The following ATP8A2 variants were observed in gnomAD, a reference collection of about 807,000 sequenced individuals.
ATP8A2 encodes phospholipid-transporting ATPase IB.
A neutral mutation model predicts 165.6 loss-of-function variants in ATP8A2; 100 were observed. That is an observed-to-expected ratio of 0.60 (90% CI 0.51 to 0.71). The LOEUF is 0.71. Among genes scored for constraint, ATP8A2 ranks in the 30% least tolerant of loss-of-function variants. The pLI, the probability that ATP8A2 is intolerant of heterozygous loss-of-function variation, is 0.00. For missense variants in ATP8A2, 1,227 were observed against 1,479.5 expected (o/e 0.83, Z 2.80); for synonymous variants, 543 against 548.8 (o/e 0.99, Z 0.15).
chr13:25,808,738 A>G (rs1328000061), intron 27 of ATP8A2, among the ~76,000 whole-genome samples: 3 of 151,982 alleles, frequency 2.0e-5, no homozygotes, highest in Non-Finnish European at 2.9e-5. Flanking sequence ...CCTGGCCCCC[A>G]CAAAGACTTT....
chr13:25,596,816 A>G (rs1388485712), intron 24 of ATP8A2, among the ~76,000 whole-genome samples: 2 of 152,152 alleles, frequency 1.3e-5, no homozygotes, highest in African/African-American at 4.8e-5. Context: ...GAGGGAAGAT[A>G]TATGTTTAGC....
chr13:25,804,984 A>T (rs1255843536), intron 27 of ATP8A2, among the ~76,000 whole-genome samples: 1 of 152,202 alleles, frequency 6.6e-6, no homozygotes, highest in African/African-American at 2.4e-5. Context: ...AAAATGTAAC[A>T]GTTATCCAAC....
At chr13:25,377,420 G>A (rs1040346305) in intron 1 of ATP8A2, among the ~76,000 whole-genome samples, 3 of 152,206 alleles carry the variant, frequency 2.0e-5, no homozygotes, top group South Asian at 2.1e-4. Flanking sequence ...CAGGACAGGA[G>A]AGAGCCCTTC....
intron 25 of ATP8A2, 83 bp from the exon 26 acceptor site, chr13:25,768,963 C>A: frequency 2.3e-6 from 3 of 1,327,068 alleles, no homozygotes; most frequent in Non-Finnish European, 3.2e-6. Context: ...AGTAACTGTC[C>A]TTTTAATGCA....
At chr13:25,503,759 C>T (rs2036933134) in intron 2 of ATP8A2, among the ~76,000 whole-genome samples, 1 of 152,090 alleles carries the variant, frequency 6.6e-6, no homozygotes, top group Admixed American at 6.5e-5. Flanking sequence ...AAAAACAAGC[C>T]ACAGGATAAA....
At position 25,510,224 on chromosome 13, in the gene ATP8A2, G is replaced by C. The variant is rs879664258; in HGVS notation, c.222-19775G>C. Among the ~76,000 whole-genome samples the C allele has an allele frequency of 5.6e-3, 745 of 133,096 alleles. 6 individuals carry two copies. The highest frequency in any genetic ancestry group is 9.6e-3 in the Non-Finnish European group (594 of 61,794). 87.3% of individuals were successfully genotyped at this position (133,096 alleles called of 152,430 possible). A position where few individuals can be genotyped will look rare whatever the true frequency, so the allele number is the denominator to read the frequency against. ...ACACACACACACACACACACACAGA[G>C]AATGTTGAAATAAATGGATGGATTA... On this transcript the variant is annotated intron_variant, in intron 2 of 36. Coordinates refer to ENST00000381655, the MANE Select transcript of ATP8A2 (RefSeq NM_016529.6).
chr13:25,517,791 A>G (rs1165562044), intron 2 of ATP8A2, among the ~76,000 whole-genome samples: 1 of 152,266 alleles, frequency 6.6e-6, no homozygotes, highest in South Asian at 2.1e-4. Context: ...GCAGTGTTTT[A>G]AAATGAACTT....
intron 24 of ATP8A2, among the ~76,000 whole-genome samples, chr13:25,661,072 C>T (rs929883940): frequency 1.9e-4 from 29 of 152,144 alleles, no homozygotes; most frequent in African/African-American, 7.0e-4. Context: ...TTCACACGTG[C>T]GTCTCTGAGA....
chr13:25,831,100 TCCG>T (rs1332631866), intron 28 of ATP8A2, among the ~76,000 whole-genome samples: 1 of 152,188 alleles, frequency 6.6e-6, no homozygotes, highest in Non-Finnish European at 1.5e-5. Context: ...GGCTGGGTTC[TCCG>T]CTGTCATTTT....
At chr13:25,859,608 C>A (rs1390488147) in intron 30 of ATP8A2, among the ~76,000 whole-genome samples, 2 of 151,922 alleles carry the variant, frequency 1.3e-5, no homozygotes, top group African/African-American at 4.8e-5. Context: ...GCTTAAAATC[C>A]TTCTTCTATT....
chr13:25,837,228 G>A lies in ATP8A2; in HGVS notation c.2820G>A (p.Met940Ile), dbSNP rs1372815705. 6.2e-7 allele frequency: 1 copy of A among 1,613,962 alleles called. No homozygotes were observed. Among genetic ancestry groups the A allele is most frequent in the African/African-American group, 1.3e-5 (1 of 74,902 alleles). The change falls in exon 29 of 37, where the codon ATG (methionine) becomes ATA (isoleucine). Residue 940 changes from methionine (M) to isoleucine (I), a missense_variant. By Grantham distance (10) the Met-to-Ile change is conservative. Coordinates refer to ENST00000381655, the MANE Select transcript of ATP8A2 (RefSeq NM_016529.6). ...IFERSCTQES[M>I]LRFPQLYKIT... ...AGAGGTCTTGCACTCAGGAGAGCAT[G>A]CTCAGGTTTCCCCAGCTCTACAAAA...
At chr13:25,450,248 A>C (rs1039178362) in intron 1 of ATP8A2, among the ~76,000 whole-genome samples, 6 of 152,202 alleles carry the variant, frequency 3.9e-5, no homozygotes, top group Admixed American at 3.3e-4. Context: ...GGCTGATTCC[A>C]TATCTTTACT....
At chr13:25,876,740 A>T (rs1380890526) in intron 33 of ATP8A2, among the ~76,000 whole-genome samples, 1 of 152,220 alleles carries the variant, frequency 6.6e-6, no homozygotes, top group African/African-American at 2.4e-5. Context: ...CTGAATGCTA[A>T]ATCGTTTAAA....
chr13:25,632,104 T>C (rs1310969948), intron 24 of ATP8A2, among the ~76,000 whole-genome samples: 1 of 152,150 alleles, frequency 6.6e-6, no homozygotes, highest in African/African-American at 2.4e-5. Flanking sequence ...TTCATATTTA[T>C]CATAAAGGAT....
intron 33 of ATP8A2, among the ~76,000 whole-genome samples, chr13:25,959,591 G>C (rs924010013): frequency 9.2e-5 from 14 of 152,188 alleles, no homozygotes; most frequent in African/African-American, 2.9e-4. Flanking sequence ...TGAAGCTTGG[G>C]CCAGTGGTGC....
rs938351325 is a variant in ATP8A2 at position 25,881,137 on chromosome 13, A to AT, written c.3183+18738dup. Among the ~76,000 whole-genome samples, 14 of 151,460 alleles carry AT rather than the reference A, an allele frequency of 9.2e-5. No individual in the cohort carries two copies. The East Asian group carries it at 1.7e-3, about 19-fold the overall frequency. On this transcript the variant is annotated intron_variant, in intron 33 of 36. Coordinates refer to ENST00000381655, the MANE Select transcript of ATP8A2 (RefSeq NM_016529.6). ...ATTTACTTTCTTTTGTTTGGGGGGC[A>AT]TTTTTTTTTCTCCCTGCCCTCCTTT... is the stretch of plus-strand genomic sequence containing the variant.
chr13:25,669,228 T>C (rs967999247), intron 24 of ATP8A2, among the ~76,000 whole-genome samples: 1 of 152,190 alleles, frequency 6.6e-6, no homozygotes, highest in African/African-American at 2.4e-5. Flanking sequence ...GCCATCTGTT[T>C]AGTGATTTTT....
chr13:25,752,091 C>T (rs749303968), intron 25 of ATP8A2, among the ~76,000 whole-genome samples: 2 of 151,634 alleles, frequency 1.3e-5, no homozygotes, highest in Non-Finnish European at 1.5e-5. Flanking sequence ...TGCAGTCCTA[C>T]GTAAAGGCAA....
intron 24 of ATP8A2, among the ~76,000 whole-genome samples, chr13:25,641,455 C>T (rs937071966): frequency 3.7e-4 from 57 of 152,112 alleles, no homozygotes; most frequent in African/African-American, 1.3e-3. Context: ...TTCCTATACA[C>T]CAATAACAGA....
Sources: allele counts gnomAD v4.1 joint callset (sites outside exome capture counted in the v4.1 genomes callset), GRCh38; gene constraint gnomAD v4.1.1; transcripts MANE v1.5; gene names NCBI Gene and HGNC (gene_info 2026-07-23, HGNC 2026-07-21).